Variants in RAB3C observed in about 807,000 individuals in gnomAD.
RAB3C encodes RAB3C, member RAS oncogene family, also known as ras-related protein Rab-3C.
A neutral mutation model predicts 26.4 loss-of-function variants in RAB3C; 17 were observed. The ratio of observed to expected loss-of-function variants is 0.64; its 90% CI spans 0.44 to 0.97. The LOEUF (loss-of-function observed/expected upper bound fraction) is 0.97, where lower values mean the gene tolerates loss of function less well. Ranked by LOEUF, RAB3C falls within the 50% of genes least tolerant of loss-of-function variation. The probability of loss-of-function intolerance (pLI) is 0.00; values close to 1 mark genes in which losing one functional copy is unlikely to be tolerated. For synonymous variants in RAB3C, 91 were observed against 95.9 expected (o/e 0.95, Z 0.30); for missense variants, 242 against 281.9 (o/e 0.86, Z 1.01).
At chr5:58,613,325 C>T (rs1429625705) in intron 1 of RAB3C, among the ~76,000 whole-genome samples, 1 of 152,122 alleles carries the variant, frequency 6.6e-6, no homozygotes, top group East Asian at 1.9e-4. Context: ...TCCTTAATGA[C>T]ATTCTGTTGA....
intron 3 of RAB3C, among the ~76,000 whole-genome samples, chr5:58,756,693 T>A (rs1012656492): frequency 7.1e-6 from 1 of 140,896 alleles, no homozygotes; most frequent in Non-Finnish European, 1.5e-5. Flanking sequence ...AAATATGTGA[T>A]GTTTGGTTTT....
At chr5:58,774,418 T>A (rs890855482) in intron 3 of RAB3C, among the ~76,000 whole-genome samples, 9 of 152,222 alleles carry the variant, frequency 5.9e-5, no homozygotes, top group African/African-American at 2.2e-4. Flanking sequence ...CCCACAAACA[T>A]GCTTAAGTCT....
At chr5:58,799,760 G>C (rs1189565027) in intron 3 of RAB3C, among the ~76,000 whole-genome samples, 1 of 152,046 alleles carries the variant, frequency 6.6e-6, no homozygotes, top group Non-Finnish European at 1.5e-5. Flanking sequence ...GTAAACTCTT[G>C]TAGCATGCTG....
At chr5:58,777,445 CT>C (rs947599650) in intron 3 of RAB3C, among the ~76,000 whole-genome samples, 25 of 152,056 alleles carry the variant, frequency 1.6e-4, no homozygotes, top group Non-Finnish European at 1.6e-4. Flanking sequence ...TCAAATATTA[CT>C]TTTTTTAAGA....
chr5:58,655,823 T>C (rs1190893522), intron 2 of RAB3C, among the ~76,000 whole-genome samples: 3 of 119,660 alleles, frequency 2.5e-5, no homozygotes, highest in Admixed American at 1.1e-4. Context: ...TGAGACGGAG[T>C]CTCGCTCTGT....
rs539725184 is a variant in RAB3C, at chr5:58,665,547, C to T, written c.252+47677C>T. ...TATTTATTAGTACCAAAGAAAGGTA[C>T]TAATGATTTCAGATTGAAGTAGTAC... On this transcript the variant is annotated intron_variant, in intron 2 of 4. Transcript: ENST00000282878. Among the ~76,000 whole-genome samples, 4 of 152,236 alleles carry T rather than the reference C, an allele frequency of 2.6e-5. No homozygotes were observed. In the South Asian group the frequency reaches 8.3e-4, roughly 32 times the overall value.
intron 4 of RAB3C, among the ~76,000 whole-genome samples, chr5:58,839,573 T>C (rs940982433): frequency 2.0e-5 from 3 of 151,986 alleles, no homozygotes; most frequent in African/African-American, 7.2e-5. Flanking sequence ...TTTCTCCATG[T>C]TGGTTAGGTT....
At chr5:58,606,668 T>A (rs1203151547) in intron 1 of RAB3C, among the ~76,000 whole-genome samples, 1 of 152,040 alleles carries the variant, frequency 6.6e-6, no homozygotes, top group Non-Finnish European at 1.5e-5. Context: ...TACAGGTGGG[T>A]GCTCCTCTGG....
chr5:58,669,611 G>A (rs2111821362), intron 2 of RAB3C, among the ~76,000 whole-genome samples: 1 of 152,306 alleles, frequency 6.6e-6, no homozygotes, highest in African/African-American at 2.4e-5. Context: ...GAGATCACAT[G>A]CCGGCTCCAC....
chr5:58,812,139 C>T (rs1438575632), intron 3 of RAB3C, among the ~76,000 whole-genome samples: 1 of 152,142 alleles, frequency 6.6e-6, no homozygotes, highest in Non-Finnish European at 1.5e-5. Context: ...AACAAACCTA[C>T]TTCTCACAAA....
chr5:58,693,336 G>GTGTGTATATATATATATATATATA (rs1554048065), intron 2 of RAB3C, among the ~76,000 whole-genome samples: 2 of 111,774 alleles, frequency 1.8e-5, no homozygotes, highest in African/African-American at 7.5e-5. Flanking sequence ...ATATATATGT[G>GTGTGTATATATATATATATATATA]TATATATATA....
At chr5:58,714,539 A>G (rs1561297996) in intron 2 of RAB3C, among the ~76,000 whole-genome samples, 1 of 149,872 alleles carries the variant, frequency 6.7e-6, no homozygotes, top group African/African-American at 2.5e-5. Flanking sequence ...ACTGGAAAAC[A>G]TGTGGATAAA....
chr5:58,666,128 G>T (rs1372495429), intron 2 of RAB3C, among the ~76,000 whole-genome samples: 1 of 152,068 alleles, frequency 6.6e-6, no homozygotes, highest in Non-Finnish European at 1.5e-5. Flanking sequence ...AACACACAGG[G>T]GTAAGAGGAT....
intron 4 of RAB3C, among the ~76,000 whole-genome samples, chr5:58,842,035 T>C (rs1367713150): frequency 2.0e-5 from 3 of 152,180 alleles, no homozygotes; most frequent in South Asian, 2.1e-4. Flanking sequence ...TAAACCTGTA[T>C]ACTCAGCCAA....
At chr5:58,693,378 T>G (rs923046913) in intron 2 of RAB3C, among the ~76,000 whole-genome samples, 2 of 133,204 alleles carry the variant, frequency 1.5e-5, no homozygotes, top group African/African-American at 7.2e-5. Flanking sequence ...TCTTAAAACC[T>G]TGCAATTCAC....
In RAB3C at chr5:58,756,075, ATAC is replaced by A. The variant is rs201357977; in HGVS notation, c.371+29956_371+29958del. ...TATAAAAAGAGTGTAAAGAATACCC[ATAC>A]ACCCTTTTCCCAGAAAGACTTATTG... is the stretch of plus-strand genomic sequence containing the variant. On this transcript the variant is annotated intron_variant, in intron 3 of 4. Coordinates refer to ENST00000282878, the MANE Select transcript of RAB3C (RefSeq NM_138453.4). 5.8e-3 allele frequency among the ~76,000 whole-genome samples: 873 copies of A among 151,660 alleles called. 9 individuals carry two copies. The highest frequency in any genetic ancestry group is 0.02 in the African/African-American group (822 of 41,438).
Position 58,825,134 on chromosome 5 carries a change from G to T in RAB3C, c.468G>T (p.Glu156Asp), listed in dbSNP as rs1397280791. ...DMEDERVIST[E>D]RGQHLGEQLG... ...AAGACGAGCGGGTCATCTCAACTGAGCGAGGTCAACATTTAGGAGAACAGC... is the reference window on the plus strand; with the variant it reads ...AAGACGAGCGGGTCATCTCAACTGATCGAGGTCAACATTTAGGAGAACAGC... The change falls in exon 4 of 5, where the codon GAG (glutamate) becomes GAT (aspartate). Residue 156 changes from glutamate (E) to aspartate (D), a missense_variant. By Grantham distance (45) the Glu-to-Asp change is conservative (BLOSUM62 2). Transcript: ENST00000282878. 1 of 1,612,456 alleles carries T rather than the reference G, an allele frequency of 6.2e-7. No homozygotes were observed. Among genetic ancestry groups the T allele is most frequent in the Non-Finnish European group, 8.5e-7 (1 of 1,179,056 alleles).
chr5:58,825,397 G>A (rs1237787882), intron 4 of RAB3C, among the ~76,000 whole-genome samples: 2 of 152,168 alleles, frequency 1.3e-5, no homozygotes, highest in African/African-American at 4.8e-5. Flanking sequence ...TTTGGTCTTA[G>A]TACAAGGTAT....
intron 2 of RAB3C, among the ~76,000 whole-genome samples, chr5:58,656,350 A>T (rs1182960315): frequency 6.6e-6 from 1 of 152,174 alleles, no homozygotes; most frequent in Non-Finnish European, 1.5e-5. Flanking sequence ...ACAGTTGCTA[A>T]GAGAGTAGAT....
Sources: gnomAD v4.1 joint callset for allele counts (sites outside exome capture counted in the v4.1 genomes callset) on GRCh38, gnomAD v4.1.1 for gene constraint, MANE v1.5 for transcripts, NCBI Gene and HGNC (gene_info 2026-07-23, HGNC 2026-07-21) for gene names.